Variants in CNTNAP2 observed in about 807,000 individuals in gnomAD.
The protein encoded by CNTNAP2 is contactin associated protein 2.
In CNTNAP2, 98 loss-of-function variants were observed where a neutral mutation model predicts 155.2. The ratio of observed to expected loss-of-function variants is 0.63; its 90% confidence interval spans 0.54 to 0.75. CNTNAP2 has a LOEUF of 0.75. CNTNAP2 is among the 30% of genes least tolerant of loss of function. The probability of loss-of-function intolerance (pLI) is 0.00; values close to 1 mark genes in which losing one functional copy is unlikely to be tolerated. For missense variants in CNTNAP2, 1,727 were observed against 1,688.1 expected (o/e 1.02, Z -0.40); for synonymous variants, 651 against 631.2 (o/e 1.03, Z -0.47).
At chr7:146,696,831 T>G (rs534510668) in intron 1 of CNTNAP2, among the ~76,000 whole-genome samples, 1 of 152,308 alleles carries the variant, frequency 6.6e-6, no homozygotes, top group African/African-American at 2.4e-5. Context: ...CAGCTTCTTT[T>G]TATTTTTGAC....
At chr7:148,206,985 C>T (rs189401986) in intron 18 of CNTNAP2, among the ~76,000 whole-genome samples, 66 of 152,336 alleles carry the variant, frequency 4.3e-4, no homozygotes, top group African/African-American at 1.4e-3. Flanking sequence ...TATTTCTACA[C>T]ACTCTCCTTC....
chr7:147,858,029 T>C (rs1799069894), intron 13 of CNTNAP2, among the ~76,000 whole-genome samples: 1 of 152,224 alleles, frequency 6.6e-6, no homozygotes, highest in Non-Finnish European at 1.5e-5. Context: ...CCAAGTATGT[T>C]GAACTGGATG....
intron 5 of CNTNAP2, among the ~76,000 whole-genome samples, chr7:147,118,478 G>T (rs1457373040): frequency 6.6e-6 from 1 of 152,138 alleles, no homozygotes. Context: ...AAACTTGTAG[G>T]ATACAAAATG....
At chr7:147,143,053 C>T (rs191277178) in intron 8 of CNTNAP2, among the ~76,000 whole-genome samples, 4 of 152,280 alleles carry the variant, frequency 2.6e-5, no homozygotes, top group Non-Finnish European at 4.4e-5. Context: ...ATCACATACT[C>T]CTCTACTATT....
intron 3 of CNTNAP2, among the ~76,000 whole-genome samples, chr7:146,960,860 T>C (rs1301916096): frequency 6.6e-6 from 1 of 152,162 alleles, no homozygotes; most frequent in Non-Finnish European, 1.5e-5. Context: ...CTCCTTTACT[T>C]GTGACCTCTA....
At position 146,365,002 on chromosome 7, in the gene CNTNAP2, A is replaced by T. The variant is rs948220540; in HGVS notation, c.97+248029A>T. 4.6e-5 allele frequency among the ~76,000 whole-genome samples: 7 copies of T among 152,308 alleles called. No individual in the cohort carries two copies. The East Asian group carries it at 7.7e-4, about 17-fold the overall frequency. On this transcript the variant is annotated intron_variant, in intron 1 of 23. Transcript: ENST00000361727. ...CAAATTTACAAGCCCTTACTATAAAATCCCAGGAGAACTTTTAAATTCCAT... is the reference window on the plus strand; with the variant it reads ...CAAATTTACAAGCCCTTACTATAAATTCCCAGGAGAACTTTTAAATTCCAT...
At chr7:147,732,735 GGT>G (rs1371053005) in intron 13 of CNTNAP2, among the ~76,000 whole-genome samples, 1 of 152,182 alleles carries the variant, frequency 6.6e-6, no homozygotes, top group African/African-American at 2.4e-5. Flanking sequence ...CATTCTAACT[GGT>G]GTGAGATGGT....
chr7:147,088,300 A>G (rs1584831904), intron 4 of CNTNAP2, among the ~76,000 whole-genome samples: 1 of 152,332 alleles, frequency 6.6e-6, no homozygotes, highest in Non-Finnish European at 1.5e-5. Flanking sequence ...AAAAGAAAAT[A>G]TTTCTAACAT....
intron 1 of CNTNAP2, among the ~76,000 whole-genome samples, chr7:146,279,710 CTG>C (rs951821478): frequency 2.0e-4 from 30 of 151,704 alleles, no homozygotes; most frequent in African/African-American, 4.8e-4. Flanking sequence ...AAAAATATAA[CTG>C]TAGTAGTCAT....
At chr7:146,655,185 G>A (rs1163942347) in intron 1 of CNTNAP2, among the ~76,000 whole-genome samples, 1 of 151,858 alleles carries the variant, frequency 6.6e-6, no homozygotes, top group Admixed American at 6.6e-5. Context: ...GGCTGAGGCA[G>A]GTGGATCACC....
At chr7:147,363,839 A>T (rs907611328) in intron 9 of CNTNAP2, among the ~76,000 whole-genome samples, 3 of 152,228 alleles carry the variant, frequency 2.0e-5, no homozygotes, top group Non-Finnish European at 4.4e-5. Flanking sequence ...CATCTAGCAC[A>T]TGCAGTTTTA....
chr7:147,573,291 C>G (rs1004726332), intron 12 of CNTNAP2, among the ~76,000 whole-genome samples: 1 of 152,158 alleles, frequency 6.6e-6, no homozygotes, highest in East Asian at 1.9e-4. Context: ...TAGCATTGAA[C>G]TCTTCACATA....
At chr7:148,123,735 G>A (rs1402887994) in intron 16 of CNTNAP2, among the ~76,000 whole-genome samples, 1 of 144,514 alleles carries the variant, frequency 6.9e-6, no homozygotes, top group Non-Finnish European at 1.5e-5. Flanking sequence ...GAAAAAGGAA[G>A]AAAGAAAGAA....
At chr7:147,790,786 G>GAAA (rs1797808096) in intron 13 of CNTNAP2, among the ~76,000 whole-genome samples, 2 of 152,182 alleles carry the variant, frequency 1.3e-5, no homozygotes, top group Non-Finnish European at 2.9e-5. Flanking sequence ...TGTTTGTTGG[G>GAAA]TAATATAAAC....
intron 1 of CNTNAP2, among the ~76,000 whole-genome samples, chr7:146,699,542 T>C (rs991530567): frequency 5.3e-5 from 8 of 152,156 alleles, no homozygotes; most frequent in African/African-American, 1.4e-4. Context: ...TATCCACTTA[T>C]GTGATACAAG....
intron 1 of CNTNAP2, among the ~76,000 whole-genome samples, chr7:146,738,186 C>T (rs1248195270): frequency 1.3e-5 from 2 of 151,952 alleles, no homozygotes; most frequent in African/African-American, 4.8e-5. Context: ...TACACTTTCT[C>T]ATTTTGATAA....
chr7:146,127,461 G>T (rs1407611205), intron 1 of CNTNAP2, among the ~76,000 whole-genome samples: 1 of 152,136 alleles, frequency 6.6e-6, no homozygotes, highest in Non-Finnish European at 1.5e-5. Context: ...CAGAAGGAAG[G>T]CGAGAAATAT....
At chr7:146,476,904 C>T (rs534815418) in intron 1 of CNTNAP2, among the ~76,000 whole-genome samples, 3 of 152,206 alleles carry the variant, frequency 2.0e-5, no homozygotes, top group African/African-American at 7.2e-5. Flanking sequence ...ACTGCCGCTT[C>T]CCAAAATTTT....
At chr7:147,389,233 G>C (rs1330416334) in intron 9 of CNTNAP2, among the ~76,000 whole-genome samples, 1 of 152,266 alleles carries the variant, frequency 6.6e-6, no homozygotes, top group Admixed American at 6.5e-5. Flanking sequence ...TAGATATTTT[G>C]TGCAATCTGC....
Sources: gnomAD v4.1 joint callset for allele counts (sites outside exome capture counted in the v4.1 genomes callset) on GRCh38, gnomAD v4.1.1 for gene constraint, MANE v1.5 for transcripts, NCBI Gene and HGNC (gene_info 2026-07-23, HGNC 2026-07-21) for gene names.